The following HACD1 variants were observed in gnomAD, a reference collection of about 807,000 sequenced individuals.
HACD1 encodes the protein very-long-chain (3R)-3-hydroxyacyl-CoA dehydratase 1.
In HACD1, 41 loss-of-function variants were observed where a neutral mutation model predicts 32.0. The observed-to-expected ratio is 1.28, with a 90% CI of 1.00 to 1.66. The LOEUF (loss-of-function observed/expected upper bound fraction) is 1.66, where lower values mean the gene tolerates loss of function less well. HACD1 is among the 40% of genes most tolerant of loss of function. HACD1 has a pLI of 0.00. For missense variants in HACD1, 396 were observed against 380.1 expected, an observed-to-expected ratio of 1.04 and a Z score of -0.35; for synonymous variants, 142 against 139.0, an observed-to-expected ratio of 1.02 and a Z score of -0.15.
At chr10:17,606,566 G>C (rs4748390) in intron 1 of HACD1, among the ~76,000 whole-genome samples, 98,787 of 151,934 alleles carry the variant, frequency 0.65, 32,732 homozygotes, top group African/African-American at 0.78. Context: ...TTTAATCAAA[G>C]AACACTCATA....
intron 1 of HACD1, among the ~76,000 whole-genome samples, chr10:17,611,751 G>A (rs1588994467): frequency 6.6e-6 from 1 of 152,208 alleles, no homozygotes; most frequent in East Asian, 1.9e-4. Flanking sequence ...CAGATCACGA[G>A]GTTAGGAGAT....
In HACD1 at chr10:17,594,248, G is replaced by A. The variant is rs17141386; in HGVS notation, c.741C>T (p.Asp247=). The A allele has an allele frequency of 1.5e-3, 2,416 of 1,592,604 alleles. 35 individuals carry two copies. The African/African-American group carries it at 0.028, about 18-fold the overall frequency. ...TGGTTATAAGAAGAAAATAATAGTA[G>A]TCAAAAGAGACATTGTATTTGTTAG... The part of the protein sequence containing the change: ...RLPNKYNVSF[D]YYYFLLITMA... The change falls in exon 6 of 7, where the codon GAC becomes GAT. Residue 247 remains aspartate, a synonymous_variant. Coordinates refer to ENST00000361271, the MANE Select transcript of HACD1 (RefSeq NM_014241.4).
intron 1 of HACD1, among the ~76,000 whole-genome samples, chr10:17,604,342 G>A (rs950192400): frequency 1.3e-5 from 2 of 152,130 alleles, no homozygotes; most frequent in African/African-American, 2.4e-5. Flanking sequence ...AAAATTAGCC[G>A]GGTGTGGTGG....
At chr10:17,592,535 T>C (rs1833942337) in intron 6 of HACD1, among the ~76,000 whole-genome samples, 1 of 152,058 alleles carries the variant, frequency 6.6e-6, no homozygotes, top group South Asian at 2.1e-4. Context: ...GCTGGCAGCA[T>C]GGTGAACTGG....
intron 6 of HACD1, among the ~76,000 whole-genome samples, chr10:17,593,790 T>C (rs1215639332): frequency 6.6e-6 from 1 of 152,216 alleles, no homozygotes; most frequent in Non-Finnish European, 1.5e-5. Context: ...TCCTAGATGA[T>C]TTTTCCAAGT....
chr10:17,591,353 G>A (rs1390639038), intron 6 of HACD1, among the ~76,000 whole-genome samples: 1 of 152,096 alleles, frequency 6.6e-6, no homozygotes, highest in South Asian at 2.1e-4. Flanking sequence ...ATTGCCCTCT[G>A]GGTAGCAAAT....
At chr10:17,596,664 G>A (rs116659375) in intron 5 of HACD1, among the ~76,000 whole-genome samples, 3 of 151,646 alleles carry the variant, frequency 2.0e-5, no homozygotes, top group African/African-American at 7.3e-5. Flanking sequence ...AAGTTCTGAG[G>A]GCAGTATGGG....
chr10:17,615,511 A>T (rs117466549), intron 1 of HACD1: 1 of 155,162 alleles, frequency 6.4e-6, no homozygotes, highest in Non-Finnish European at 1.4e-5. Context: ...ATTTTTGTCA[A>T]TCACATTTTT....
intron 1 of HACD1, among the ~76,000 whole-genome samples, chr10:17,610,997 T>C (rs1216716938): frequency 7.3e-6 from 1 of 136,458 alleles, no homozygotes; most frequent in Non-Finnish European, 1.5e-5. Context: ...TCAGGTCCTC[T>C]TCTTTTTTTT....
chr10:17,603,947 T>C lies in HACD1; in HGVS notation c.358A>G (p.Thr120Ala). 1 of 1,608,296 alleles carries C rather than the reference T, an allele frequency of 6.2e-7. No homozygotes were observed. The highest frequency in any genetic ancestry group is 8.5e-7 in the Non-Finnish European group (1 of 1,175,842). Reference sequence around the variant, plus strand: ...AAACTTACCTCAAGCAAGGCAAATGTCTGGAAAAATTTAAGTGTCTTCTGA... The same window carrying C: ...AAACTTACCTCAAGCAAGGCAAATGCCTGGAAAAATTTAAGTGTCTTCTGA... ...SIQKTLKFFQ[T>A]FALLEIVHCL... is the part of the protein sequence containing the mutation. Residue 120 changes from threonine to alanine, a missense_variant, in exon 2 of 7, where the codon ACA becomes GCA. By Grantham distance (58) the Thr-to-Ala change is moderately conservative (BLOSUM62 0). Transcript: ENST00000361271.
At chr10:17,594,655 A>C (rs1432803848) in intron 5 of HACD1, among the ~76,000 whole-genome samples, 2 of 152,084 alleles carry the variant, frequency 1.3e-5, no homozygotes, top group Non-Finnish European at 2.9e-5. Context: ...TTTATGTATT[A>C]AAAAATGTAT....
Position 17,611,415 on chromosome 10 carries a change from T to A in HACD1, c.257+5668A>T, listed in dbSNP as rs188558194. ...CCTTCACCGCTCAGTTTAAATGCTG[T>A]GATCTCTCACAGAAAACTTTCTCTA... On this transcript the variant is annotated intron_variant, in intron 1 of 6. Coordinates refer to ENST00000361271, the MANE Select transcript of HACD1 (RefSeq NM_014241.4). Among the ~76,000 whole-genome samples, 429 of 152,392 alleles carry A rather than the reference T, an allele frequency of 2.8e-3. 3 individuals carry two copies. The highest frequency in any genetic ancestry group is 3.9e-3 in the Non-Finnish European group (268 of 68,038).
At chr10:17,612,128 A>C in intron 1 of HACD1, among the ~76,000 whole-genome samples, 1 of 151,368 alleles carries the variant, frequency 6.6e-6, no homozygotes. Context: ...AAAAAAAAAA[A>C]AACCCTAAAA....
chr10:17,608,042 G>A (rs1013571179), intron 1 of HACD1, among the ~76,000 whole-genome samples: 1 of 151,838 alleles, frequency 6.6e-6, no homozygotes, highest in Non-Finnish European at 1.5e-5. Flanking sequence ...ACAGATTCTC[G>A]CTCTGTCCCG....
chr10:17,598,739 T>TA (rs1834028202), intron 5 of HACD1, among the ~76,000 whole-genome samples: 1 of 152,202 alleles, frequency 6.6e-6, no homozygotes, highest in Non-Finnish European at 1.5e-5. Flanking sequence ...GAAGAACAGA[T>TA]ATCTTTTCCT....
chr10:17,614,722 A>AT (rs1554817832), intron 1 of HACD1, among the ~76,000 whole-genome samples: 4 of 104 alleles, frequency 0.038, no homozygotes, highest in East Asian at 0.12. Context: ...AGAAAAAAAA[A>AT]GGAAATAACA....
intron 1 of HACD1, 81 bp from the exon 2 acceptor site, chr10:17,604,128 TC>T (rs1397716175): frequency 9.4e-7 from 1 of 1,058,532 alleles, no homozygotes; most frequent in Non-Finnish European, 1.4e-6. Flanking sequence ...GCAGCGTTAT[TC>T]AAAATAGTGA....
chr10:17,616,976 GCCCGCACCC>G, intron 1 of HACD1, 98 bp downstream of exon 1: 3 of 1,192,762 alleles, frequency 2.5e-6, no homozygotes, highest in Non-Finnish European at 3.2e-6. Flanking sequence ...CACGGCCGCT[GCCCGCACCC>G]CCCGCGCCCC....
chr10:17,609,148 G>A (rs1177070113), intron 1 of HACD1, among the ~76,000 whole-genome samples: 1 of 145,920 alleles, frequency 6.9e-6, no homozygotes, highest in Non-Finnish European at 1.5e-5. Context: ...AAAAAAATGT[G>A]CAAAAGGTTT....
Sources: allele counts gnomAD v4.1 joint callset (sites outside exome capture counted in the v4.1 genomes callset), GRCh38; gene constraint gnomAD v4.1.1; transcripts MANE v1.5; gene names NCBI Gene and HGNC (gene_info 2026-07-23, HGNC 2026-07-21).